The following C21orf58 variants were observed in gnomAD, a reference collection of about 807,000 sequenced individuals.
C21orf58 encodes the protein uncharacterized protein C21orf58.
In C21orf58, 34 loss-of-function variants were observed where a neutral mutation model predicts 35.8. The observed-to-expected ratio is 0.95, with a 90% confidence interval of 0.72 to 1.26. C21orf58 has a LOEUF of 1.26. C21orf58 is among the 50% of genes most tolerant of loss of function. C21orf58 has a pLI of 0.00. For synonymous variants in C21orf58, 191 were observed against 175.8 expected (o/e 1.09, Z -0.68); for missense variants, 440 against 414.3 (o/e 1.06, Z -0.54).
At chr21:46,310,344 TG>T (rs1273776341) in intron 6 of C21orf58, among the ~76,000 whole-genome samples, 3 of 151,338 alleles carry the variant, frequency 2.0e-5, no homozygotes, top group Admixed American at 2.0e-4. Flanking sequence ...CTGGGCATGG[TG>T]GTGGGCACCA....
In C21orf58 at chr21:46,315,415, A is replaced by G. The variant is rs2082935253; in HGVS notation, c.444+59T>C. The G allele has an allele frequency of 2.3e-5, 24 of 1,065,436 alleles. 1 individual carries two copies. The South Asian group carries it at 2.7e-4, about 12-fold the overall frequency. The allele number at this position is 1,065,436 out of a possible 1,614,324, so 66.0% of individuals were successfully genotyped here. ...TCCCCGACCTGGTGCCTTAAGGCTG[A>G]GCAGCTATCTCTGCTACAGTGAGCT... On this transcript the variant is annotated intron_variant, in intron 4 of 7. Coordinates refer to ENST00000291691, the MANE Select transcript of C21orf58 (RefSeq NM_058180.5).
At chr21:46,309,120 A>T (rs1239010547) in intron 6 of C21orf58, among the ~76,000 whole-genome samples, 2 of 152,086 alleles carry the variant, frequency 1.3e-5, no homozygotes, top group African/African-American at 4.8e-5. Context: ...GGAGTTCGAG[A>T]CCAGTCTGGC....
chr21:46,307,669 T>G (rs2082482642), intron 6 of C21orf58, among the ~76,000 whole-genome samples: 1 of 152,172 alleles, frequency 6.6e-6, no homozygotes, highest in African/African-American at 2.4e-5. Context: ...CAGATCTGGC[T>G]TGGATTGCAA....
At chr21:46,302,780 C>T (rs951212715) in intron 6 of C21orf58, among the ~76,000 whole-genome samples, 3 of 97,574 alleles carry the variant, frequency 3.1e-5, no homozygotes, top group Non-Finnish European at 6.3e-5. Flanking sequence ...CCCCGGGGCG[C>T]GCCCTGAGCC....
chr21:46,314,089 C>T (rs2082860947), intron 5 of C21orf58, among the ~76,000 whole-genome samples: 1 of 151,574 alleles, frequency 6.6e-6, no homozygotes, highest in African/African-American at 2.4e-5. Context: ...TAACATTCTG[C>T]CCTTGACATT....
chr21:46,302,940 G>T (rs1319899741), intron 6 of C21orf58, among the ~76,000 whole-genome samples: 1 of 145,020 alleles, frequency 6.9e-6, no homozygotes, highest in South Asian at 2.2e-4. Context: ...GGGTCCCCGG[G>T]GCGCGCCCTG....
rs147784980 is a variant in C21orf58, at chr21:46,304,003, G to A, written c.722-1427C>T. ...CCTGACCTCATGATCCACCTGCCTT[G>A]GCTTCCCAAAGTGCTGGTTTTTTTT... On this transcript the variant is annotated intron_variant, in intron 6 of 7. Coordinates refer to ENST00000291691, the MANE Select transcript of C21orf58 (RefSeq NM_058180.5). 1.0e-2 allele frequency among the ~76,000 whole-genome samples: 1,375 copies of A among 137,778 alleles called. 13 individuals are homozygous for A. Among genetic ancestry groups the A allele is most frequent in the African/African-American group, 0.02 (743 of 36,864 alleles). 90.4% of individuals were successfully genotyped at this position (137,778 alleles called of 152,430 possible).
At chr21:46,306,325 C>A (rs1018943883) in intron 6 of C21orf58, among the ~76,000 whole-genome samples, 1 of 151,738 alleles carries the variant, frequency 6.6e-6, no homozygotes, top group Non-Finnish European at 1.5e-5. Flanking sequence ...ATGGTGAAAC[C>A]CCGTCTCAAC....
In C21orf58 at chr21:46,302,517, AGTTCTGC is replaced by A; in HGVS notation, c.774_780del (p.Gln259GlyfsTer138). ...GCTGGGGGCAGGGCCTTGAGCATCC[AGTTCTGC>A]AGGACCAACTGGTGCACCTGTGCGT... On this transcript the variant is annotated frameshift_variant, in exon 7 of 8. Coordinates refer to ENST00000291691, the MANE Select transcript of C21orf58 (RefSeq NM_058180.5). LOFTEE classifies it low-confidence loss of function (END_TRUNC). The A allele has an allele frequency of 2.5e-6, 4 of 1,612,452 alleles. No individual in the cohort carries two copies. Among genetic ancestry groups the A allele is most frequent in the Non-Finnish European group, 3.4e-6 (4 of 1,179,316 alleles).
chr21:46,322,043 C>G (rs2083178247), intron 1 of C21orf58, among the ~76,000 whole-genome samples: 1 of 151,926 alleles, frequency 6.6e-6, no homozygotes, highest in Non-Finnish European at 1.5e-5. Context: ...AACTCCAGCA[C>G]TTTGAGAGGC....
intron 5 of C21orf58, among the ~76,000 whole-genome samples, chr21:46,314,004 T>C (rs55696586): frequency 0.16 from 24,570 of 152,122 alleles, 2,262 homozygotes; most frequent in Middle Eastern, 0.27. Flanking sequence ...AAAGTCAGAG[T>C]TGTTTTCTGC....
chr21:46,320,265 G>C (rs2083110992), intron 1 of C21orf58, among the ~76,000 whole-genome samples: 1 of 152,006 alleles, frequency 6.6e-6, no homozygotes, highest in South Asian at 2.1e-4. Context: ...ACCACGCCCA[G>C]TTAATCTTTG....
chr21:46,315,512 C>A lies in C21orf58; in HGVS notation c.406G>T (p.Ala136Ser). ...EDRPDDALQT[A>S]LKRRRDLLQR... is the part of the protein sequence containing the mutation. ...AGAAGGTCCCTCCTTCTCTTCAGAG[C>A]AGTCTGCAGGGCATCGTCCGGCCGG... The change falls in exon 4 of 8, where the codon GCT becomes TCT. Residue 136 changes from alanine to serine, a missense_variant. Transcript: ENST00000291691. The A allele has an allele frequency of 6.2e-7, 1 of 1,612,190 alleles. No individual in the cohort carries two copies. The highest frequency in any genetic ancestry group is 8.5e-7 in the Non-Finnish European group (1 of 1,178,664).
At chr21:46,313,355 G>A (rs2082823987) in intron 5 of C21orf58, among the ~76,000 whole-genome samples, 1 of 152,222 alleles carries the variant, frequency 6.6e-6, no homozygotes, top group African/African-American at 2.4e-5. Flanking sequence ...GCCAGCTCCG[G>A]TCTGAAGCTG....
In C21orf58 at chr21:46,317,979, T is replaced by C. The variant is rs769207700; in HGVS notation, c.309+33A>G. Reference sequence around the variant, plus strand: ...CTCCAACGCCACAGCCTGCGAGTTGTTAAAAACAGGAGCATCCCGGGCTCT... The same window carrying C: ...CTCCAACGCCACAGCCTGCGAGTTGCTAAAAACAGGAGCATCCCGGGCTCT... On this transcript the variant is annotated intron_variant, in intron 2 of 7. Coordinates refer to ENST00000291691, the MANE Select transcript of C21orf58 (RefSeq NM_058180.5). The C allele has an allele frequency of 6.2e-6, 10 of 1,609,948 alleles. No individual in the cohort carries two copies. In the Middle Eastern group the frequency reaches 5.0e-4, roughly 80 times the overall value.
At chr21:46,317,747 CA>C (rs1178493517) in intron 2 of C21orf58, among the ~76,000 whole-genome samples, 1 of 152,198 alleles carries the variant, frequency 6.6e-6, no homozygotes, top group African/African-American at 2.4e-5. Context: ...ACAATGCAGG[CA>C]GGGGGTGCAG....
chr21:46,308,103 C>T (rs535471045), intron 6 of C21orf58, among the ~76,000 whole-genome samples: 7 of 152,060 alleles, frequency 4.6e-5, no homozygotes, highest in Non-Finnish European at 1.0e-4. Flanking sequence ...AAGTGATTCT[C>T]CTACCTCAGC....
Position 46,322,647 on chromosome 21 carries a change from A to C in C21orf58, c.92T>G (p.Leu31Arg), listed in dbSNP as rs1289050430. ...CTGGACACCCCGCTCACCACACAGA[A>C]GACTGTGGCCTGAGTCAGGAGAAGG... The part of the protein sequence containing the change: ...KLPSPDSGHS[L>R]LCGWSPGGKA... Residue 31 changes from leucine to arginine, a missense_variant, in exon 1 of 8, where the codon CTT becomes CGT. Physicochemically the swap from Leu to Arg is moderately radical, Grantham distance 102. Transcript: ENST00000291691. The C allele has an allele frequency of 6.3e-7, 1 of 1,584,216 alleles. No homozygotes were observed. The highest frequency in any genetic ancestry group is 1.8e-5 in the Admixed American group (1 of 56,080).
At chr21:46,321,638 A>C (rs1476161183) in intron 1 of C21orf58, among the ~76,000 whole-genome samples, 1 of 152,208 alleles carries the variant, frequency 6.6e-6, no homozygotes, top group Non-Finnish European at 1.5e-5. Flanking sequence ...GGTTACAGAA[A>C]GGAAGCATCT....
Sources: gnomAD v4.1 joint callset for allele counts (sites outside exome capture counted in the v4.1 genomes callset) on GRCh38, gnomAD v4.1.1 for gene constraint, MANE v1.5 for transcripts, NCBI Gene and HGNC (gene_info 2026-07-23, HGNC 2026-07-21) for gene names.